Variants in PRH1 observed in about 807,000 individuals in gnomAD.
The protein encoded by PRH1 is salivary acidic proline-rich phosphoprotein 1/2.
A neutral mutation model predicts 7.9 loss-of-function variants in PRH1; 7 were observed. That is an observed-to-expected ratio of 0.89 (90% CI 0.50 to 1.67). The LOEUF is 1.67. Among genes scored for constraint, PRH1 ranks in the 40% most tolerant of loss-of-function variants. PRH1 has a pLI of 0.00. For missense variants in PRH1, 109 were observed against 223.6 expected (o/e 0.49, Z 3.27); for synonymous variants, 45 against 80.8 (o/e 0.56, Z 2.38).
chr12:11,136,202 C>T (rs1162727539), intron 1 of PRH1, among the ~76,000 whole-genome samples: 1 of 152,240 alleles, frequency 6.6e-6, no homozygotes, highest in East Asian at 1.9e-4. Flanking sequence ...ATCGCTTGGT[C>T]TGGCCTGCTT....
chr12:11,057,486 C>G (rs771389934), intron 1 of PRH1, among the ~76,000 whole-genome samples: 10 of 152,216 alleles, frequency 6.6e-5, no homozygotes, highest in Non-Finnish European at 1.3e-4. Context: ...TATAGCAGGA[C>G]CAAGTTGAAG....
chr12:10,966,900 G>C (rs1357824788), intron 2 of PRH1, among the ~76,000 whole-genome samples: 1 of 152,200 alleles, frequency 6.6e-6, no homozygotes, highest in Non-Finnish European at 1.5e-5. Flanking sequence ...CAGATCAAGA[G>C]ATCAGGGGAT....
chr12:11,128,241 C>T (rs908155581), intron 1 of PRH1, among the ~76,000 whole-genome samples: 1 of 151,808 alleles, frequency 6.6e-6, no homozygotes, highest in African/African-American at 2.4e-5. Flanking sequence ...TTTTACTTTT[C>T]TCTATTTATT....
At chr12:11,098,265 T>G (rs1945121553) in intron 1 of PRH1, among the ~76,000 whole-genome samples, 1 of 150,776 alleles carries the variant, frequency 6.6e-6, no homozygotes, top group African/African-American at 2.4e-5. Flanking sequence ...AATTTGTAAA[T>G]CTGCTGGGTC....
At chr12:10,955,622 A>C (rs1937916095) in intron 2 of PRH1, among the ~76,000 whole-genome samples, 1 of 152,166 alleles carries the variant, frequency 6.6e-6, no homozygotes, top group Non-Finnish European at 1.5e-5. Context: ...AAAACATACA[A>C]AAGGTCAGTG....
intron 2 of PRH1, among the ~76,000 whole-genome samples, chr12:10,906,911 G>C (rs944463645): frequency 2.0e-5 from 3 of 152,154 alleles, no homozygotes; most frequent in African/African-American, 7.2e-5. Context: ...AATGAATCAA[G>C]CTAAGTAGTT....
rs1033597834 is a variant in PRH1 at position 11,028,538 on chromosome 12, A to G, written c.-126+18482T>C. On this transcript the variant is annotated intron_variant, in intron 1 of 3. Transcript: ENST00000539853. The stretch of plus-strand genomic sequence containing the variant: ...CTTCTAAATAAATGGTAGCACTTCA[A>G]TAACAGGTATTACATTAAAAACATT... Among the ~76,000 whole-genome samples the G allele has an allele frequency of 4.6e-5, 7 of 151,662 alleles. No individual in the cohort carries two copies. In the South Asian group the frequency reaches 6.3e-4, roughly 14 times the overall value.
downstream of PRH1, among the ~76,000 whole-genome samples, chr12:11,117,272 G>A (rs1056092454): frequency 6.6e-6 from 1 of 151,902 alleles, no homozygotes; most frequent in African/African-American, 2.4e-5. Context: ...TGCCAATAGT[G>A]AACAATTTGA....
chr12:10,893,620 C>G (rs1949606459), intron 2 of PRH1, among the ~76,000 whole-genome samples: 2 of 152,190 alleles, frequency 1.3e-5, no homozygotes, highest in African/African-American at 4.8e-5. Flanking sequence ...GGTCTATTCT[C>G]TGGATATTTT....
At chr12:11,036,188 C>T (rs148871748) in intron 1 of PRH1, among the ~76,000 whole-genome samples, 2,544 of 152,296 alleles carry the variant, frequency 0.017, 22 homozygotes, top group South Asian at 0.032. Context: ...CCACCGCGCC[C>T]GCCCTATGCT....
chr12:11,066,072 CTTT>C (rs1943796410), intron 1 of PRH1, among the ~76,000 whole-genome samples: 1 of 152,176 alleles, frequency 6.6e-6, no homozygotes, highest in Non-Finnish European at 1.5e-5. Flanking sequence ...TTATAACAAT[CTTT>C]AAAAGATCAA....
chr12:11,063,414 CAGA>C (rs759246323), intron 1 of PRH1, among the ~76,000 whole-genome samples: 1 of 151,984 alleles, frequency 6.6e-6, no homozygotes, highest in Non-Finnish European at 1.5e-5. Flanking sequence ...ACACTGTTCC[CAGA>C]AGGAGAGTGA....
intron 2 of PRH1, 47 bp from the exon 3 acceptor site, chr12:10,882,745 T>C (rs1229737674): frequency 6.3e-7 from 1 of 1,599,348 alleles, no homozygotes; most frequent in Non-Finnish European, 8.5e-7. Context: ...TGGAAAACCC[T>C]CCTGTCTTCA....
In PRH1 at chr12:11,059,107, G is replaced by A. The variant is rs188758973; in HGVS notation, n.124-11919C>T. On this transcript the variant is annotated intron_variant and non_coding_transcript_variant, in intron 1 of 4. Coordinates refer to the PRH1 transcript ENST00000541977. ...GGTAGTTCTGCCTCAGGGAAACAAT[G>A]GCCAATGGGAAATCAAATACAGAAG... 1.8e-3 allele frequency among the ~76,000 whole-genome samples: 276 copies of A among 152,278 alleles called. 1 individual carries two copies. Among genetic ancestry groups the A allele is most frequent in the African/African-American group, 6.1e-3 (252 of 41,560 alleles).
chr12:10,887,524 T>TC (rs1949509980), upstream of PRH1, among the ~76,000 whole-genome samples: 1 of 106,438 alleles, frequency 9.4e-6, no homozygotes, highest in Non-Finnish European at 2.2e-5. Flanking sequence ...TTAGCATATT[T>TC]CTTTTTTTTT....
At chr12:11,102,147 C>T (rs892272784) in intron 1 of PRH1, among the ~76,000 whole-genome samples, 12 of 152,202 alleles carry the variant, frequency 7.9e-5, no homozygotes, top group African/African-American at 2.9e-4. Context: ...ATGCCATCCC[C>T]ATCAAGCTAA....
intron 1 of PRH1, among the ~76,000 whole-genome samples, chr12:11,005,597 T>C (rs1277658807): frequency 6.6e-6 from 1 of 152,094 alleles, no homozygotes; most frequent in East Asian, 1.9e-4. Context: ...AATATGTTTG[T>C]ATAAGTCTAT....
intron 1 of PRH1, among the ~76,000 whole-genome samples, chr12:11,113,592 T>C (rs1470882937): frequency 6.6e-6 from 1 of 151,968 alleles, no homozygotes; most frequent in Non-Finnish European, 1.5e-5. Flanking sequence ...TTAAATGTAA[T>C]ATCCAAAACC....
exon 1 of PRH1, chr12:11,171,451 C>T: frequency 1.6e-6 from 2 of 1,232,212 alleles, no homozygotes; most frequent in Admixed American, 4.2e-5. Flanking sequence ...AAGGGGCTCT[C>T]CCGCACCCTG....
Sources: gnomAD v4.1 joint callset for allele counts (sites outside exome capture counted in the v4.1 genomes callset) on GRCh38, gnomAD v4.1.1 for gene constraint, MANE v1.5 for transcripts, NCBI Gene and HGNC (gene_info 2026-07-23, HGNC 2026-07-21) for gene names.